The following NELL1 variants were observed in gnomAD, a reference collection of about 807,000 sequenced individuals.
The protein encoded by NELL1 is neural EGFL like 1, also known as protein kinase C-binding protein NELL1.
Under a neutral mutation model 107.4 loss-of-function variants are expected in NELL1, and 76 were observed. The ratio of observed to expected loss-of-function variants is 0.71; its 90% CI spans 0.59 to 0.86. NELL1 has a LOEUF of 0.86. NELL1 is among the 40% of genes least tolerant of loss of function. The pLI is 0.00. For synonymous variants in NELL1, 353 were observed against 341.2 expected (o/e 1.03, Z -0.38); for missense variants, 1,024 against 1,005.5 (o/e 1.02, Z -0.25).
At chr11:21,027,909 C>G (rs1010844538) in intron 12 of NELL1, among the ~76,000 whole-genome samples, 1 of 152,042 alleles carries the variant, frequency 6.6e-6, no homozygotes, top group Non-Finnish European at 1.5e-5. Flanking sequence ...TGAAGCTGAG[C>G]TGTGCTTCAT....
chr11:20,724,265 C>A (rs1238384089), intron 2 of NELL1, among the ~76,000 whole-genome samples: 1 of 152,228 alleles, frequency 6.6e-6, no homozygotes, highest in African/African-American at 2.4e-5. Flanking sequence ...CCAGCTTGAA[C>A]TTCTCCCCAG....
In NELL1 at chr11:21,008,622, A is replaced by G. The variant is rs988959261; in HGVS notation, c.1300+48062A>G. On this transcript the variant is annotated intron_variant, in intron 12 of 19. Coordinates refer to ENST00000357134, the MANE Select transcript of NELL1 (RefSeq NM_006157.5). The stretch of plus-strand genomic sequence containing the variant: ...TAATAAGGAGAAAAGCTATGGACAG[A>G]AGTGTGGTGTGGGAGAGATAATTAT... Among the ~76,000 whole-genome samples the G allele has an allele frequency of 9.2e-5, 14 of 152,090 alleles. 1 individual carries two copies. Among genetic ancestry groups the G allele is most frequent in the Non-Finnish European group, 1.2e-4 (8 of 68,006 alleles).
intron 9 of NELL1, among the ~76,000 whole-genome samples, chr11:20,931,652 C>T (rs1299023367): frequency 6.6e-6 from 1 of 151,886 alleles, no homozygotes; most frequent in Non-Finnish European, 1.5e-5. Context: ...TTTTTTAATC[C>T]AGTCTGACAG....
chr11:21,476,918 C>T (rs768912203), intron 15 of NELL1, among the ~76,000 whole-genome samples: 1 of 152,058 alleles, frequency 6.6e-6, no homozygotes, highest in Non-Finnish European at 1.5e-5. Context: ...GCAGCTCTAG[C>T]GAGAGGGGAA....
intron 2 of NELL1, among the ~76,000 whole-genome samples, chr11:20,700,539 A>G (rs928405646): frequency 2.0e-5 from 3 of 152,118 alleles, no homozygotes; most frequent in African/African-American, 7.2e-5. Flanking sequence ...TTATACTTCT[A>G]GGATACATGT....
At chr11:20,838,879 T>A (rs2134046760) in intron 3 of NELL1, among the ~76,000 whole-genome samples, 1 of 152,288 alleles carries the variant, frequency 6.6e-6, no homozygotes, top group East Asian at 1.9e-4. Flanking sequence ...TTCATAAACA[T>A]CTTAATTTTG....
chr11:20,857,455 G>A (rs1377164039), intron 4 of NELL1, among the ~76,000 whole-genome samples: 5 of 152,122 alleles, frequency 3.3e-5, no homozygotes, highest in African/African-American at 7.2e-5. Context: ...CTCCCAGCTC[G>A]GCTATGTGAC....
intron 12 of NELL1, among the ~76,000 whole-genome samples, chr11:21,065,733 T>C (rs1229172176): frequency 6.6e-6 from 1 of 152,208 alleles, no homozygotes; most frequent in Non-Finnish European, 1.5e-5. Context: ...CAAAAGATTT[T>C]GCAATGAATA....
chr11:20,830,256 CA>C (rs1160803427), intron 3 of NELL1, among the ~76,000 whole-genome samples: 2,951 of 127,308 alleles, frequency 0.023, 77 homozygotes, highest in African/African-American at 0.071. Context: ...GACACCATCT[CA>C]AAAAAAAAAA....
intron 15 of NELL1, among the ~76,000 whole-genome samples, chr11:21,423,000 C>G (rs753896685): frequency 1.3e-5 from 2 of 151,976 alleles, no homozygotes; most frequent in Non-Finnish European, 2.9e-5. Flanking sequence ...AAAAGATATT[C>G]CACGCTCATA....
chr11:20,849,208 A>G, intron 4 of NELL1, among the ~76,000 whole-genome samples: 1 of 152,234 alleles, frequency 6.6e-6, no homozygotes, highest in East Asian at 1.9e-4. Context: ...GCCACAGGAC[A>G]GAAAGAGGCC....
At chr11:20,841,319 G>A (rs917997294) in intron 3 of NELL1, among the ~76,000 whole-genome samples, 1 of 123,532 alleles carries the variant, frequency 8.1e-6, no homozygotes, top group Non-Finnish European at 1.7e-5. Flanking sequence ...CTCTGCTCAT[G>A]TTTTTTTTTT....
chr11:21,170,433 A>G (rs1234959296), intron 13 of NELL1, among the ~76,000 whole-genome samples: 1 of 151,844 alleles, frequency 6.6e-6, no homozygotes, highest in Non-Finnish European at 1.5e-5. Flanking sequence ...AACCAGGAGT[A>G]AAGGCTGATC....
At chr11:21,124,031 G>C (rs554408532) in intron 13 of NELL1, among the ~76,000 whole-genome samples, 11 of 152,038 alleles carry the variant, frequency 7.2e-5, no homozygotes, top group African/African-American at 2.4e-4. Context: ...AACACAGACA[G>C]GAAATATCCT....
chr11:21,019,420 G>A (rs1852646276), intron 12 of NELL1, among the ~76,000 whole-genome samples: 1 of 152,072 alleles, frequency 6.6e-6, no homozygotes. Context: ...TCCAGGCACA[G>A]TATGGTATAC....
At chr11:20,704,432 C>A (rs779740145) in intron 2 of NELL1, among the ~76,000 whole-genome samples, 1 of 152,130 alleles carries the variant, frequency 6.6e-6, no homozygotes, top group Non-Finnish European at 1.5e-5. Context: ...GAACACAGCA[C>A]ACTGATGGGT....
intron 5 of NELL1, among the ~76,000 whole-genome samples, chr11:20,915,725 T>TTTTTA: frequency 9.5e-5 from 1 of 10,508 alleles, no homozygotes; most frequent in South Asian, 4.5e-3. Flanking sequence ...ATATTTTTTT[T>TTTTTA]TTTTTTTTTT....
At chr11:21,455,610 G>A (rs1326168892) in intron 15 of NELL1, among the ~76,000 whole-genome samples, 1 of 151,968 alleles carries the variant, frequency 6.6e-6, no homozygotes, top group Non-Finnish European at 1.5e-5. Context: ...TGGAATTATA[G>A]GCGAGGACAA....
chr11:21,085,666 C>G (rs1249467382), intron 12 of NELL1, among the ~76,000 whole-genome samples: 1 of 152,084 alleles, frequency 6.6e-6, no homozygotes, highest in South Asian at 2.1e-4. Flanking sequence ...ATTTTCTAGT[C>G]AGGGGACAAC....
Sources: allele counts gnomAD v4.1 joint callset (sites outside exome capture counted in the v4.1 genomes callset), GRCh38; gene constraint gnomAD v4.1.1; transcripts MANE v1.5; gene names NCBI Gene and HGNC (gene_info 2026-07-23, HGNC 2026-07-21).